Variants in CCSER2 observed in about 807,000 individuals in gnomAD.
The protein encoded by CCSER2 is serine-rich coiled-coil domain-containing protein 2.
A neutral mutation model predicts 92.3 loss-of-function variants in CCSER2; 46 were observed. The observed-to-expected ratio is 0.50, with a 90% CI of 0.39 to 0.64. CCSER2 has a LOEUF of 0.64. CCSER2 is among the 30% of genes least tolerant of loss of function. The probability of loss-of-function intolerance (pLI) is 0.00; values close to 1 mark genes in which losing one functional copy is unlikely to be tolerated. For missense variants in CCSER2, 1,244 were observed against 1,238.9 expected (o/e 1.00, Z -0.06); for synonymous variants, 433 against 431.4 (o/e 1.00, Z -0.04).
chr10:84,508,224 A>AG (rs1319523776), intron 9 of CCSER2, among the ~76,000 whole-genome samples: 1 of 152,192 alleles, frequency 6.6e-6, no homozygotes, highest in Non-Finnish European at 1.5e-5. Context: ...TGTTTCACCT[A>AG]GGGGTCTCAT....
intron 1 of CCSER2, among the ~76,000 whole-genome samples, chr10:84,355,964 G>A (rs1029496718): frequency 4.6e-5 from 7 of 151,956 alleles, no homozygotes; most frequent in African/African-American, 1.7e-4. Context: ...TTAGCTGGAT[G>A]TAGTGGCGGG....
rs1335692919 is a variant in CCSER2 at position 84,515,816 on chromosome 10, C to G, written c.*1549C>G. 12 of 152,126 alleles carry G rather than the reference C, an allele frequency of 7.9e-5. 1 individual carries two copies. The highest frequency in any genetic ancestry group is 7.9e-4 in the Admixed American group (12 of 15,278). The allele number at this position is 152,126 out of a possible 1,614,324, so 9.4% of individuals were successfully genotyped here. On this transcript the variant is annotated 3_prime_UTR_variant, in exon 10 of 10. Transcript: ENST00000372088. ...TAGAAGATGTTTCAAAGACAATATT[C>G]TTATTTTAATACGCTGTAGAAGGTA...
intron 3 of CCSER2, among the ~76,000 whole-genome samples, chr10:84,407,927 G>A (rs756037728): frequency 6.6e-6 from 1 of 152,126 alleles, no homozygotes; most frequent in Non-Finnish European, 1.5e-5. Context: ...GGGGAGAACA[G>A]GGCAGTCACC....
At chr10:84,341,742 C>T (rs761268961) in intron 1 of CCSER2, among the ~76,000 whole-genome samples, 1 of 152,140 alleles carries the variant, frequency 6.6e-6, no homozygotes, top group Non-Finnish European at 1.5e-5. Flanking sequence ...TTGGGGTTCC[C>T]ATGACCCCCT....
chr10:84,472,934 A>G (rs1846904217), intron 8 of CCSER2: 1 of 152,202 alleles, frequency 6.6e-6, no homozygotes, highest in South Asian at 2.1e-4. Context: ...TCCCTAAACT[A>G]AAAGTCAGTC....
chr10:84,411,066 A>G (rs1473819398), intron 3 of CCSER2, among the ~76,000 whole-genome samples: 1 of 152,086 alleles, frequency 6.6e-6, no homozygotes, highest in African/African-American at 2.4e-5. Context: ...GGAAAATCAT[A>G]TGGTTATAGG....
intron 3 of CCSER2, among the ~76,000 whole-genome samples, chr10:84,390,393 A>G (rs1409108558): frequency 5.3e-5 from 8 of 152,228 alleles, no homozygotes. Flanking sequence ...GTTGTAGCCT[A>G]CTATACACCT....
At chr10:84,456,018 G>C (rs887731275) in intron 6 of CCSER2, 1 of 514,426 alleles carries the variant, frequency 1.9e-6, no homozygotes, top group Non-Finnish European at 3.8e-6. Flanking sequence ...CAACACCTTT[G>C]CTTCTTCTAG....
chr10:84,512,088 C>G (rs901826884), intron 9 of CCSER2, among the ~76,000 whole-genome samples: 1 of 151,978 alleles, frequency 6.6e-6, no homozygotes, highest in African/African-American at 2.4e-5. Context: ...GAGCCTTGCC[C>G]TCAGTCACTC....
intron 1 of CCSER2, among the ~76,000 whole-genome samples, chr10:84,332,412 T>TATATATATATATATA (rs1554828779): frequency 4.9e-5 from 4 of 82,270 alleles, no homozygotes; most frequent in African/African-American, 2.4e-4. Flanking sequence ...ATTTATTTTT[T>TATATATATATATATA]TATATATATA....
intron 6 of CCSER2, chr10:84,455,148 T>G (rs1268712000): frequency 6.5e-6 from 1 of 154,286 alleles, no homozygotes; most frequent in Non-Finnish European, 1.4e-5. Flanking sequence ...AACCTCTTTT[T>G]CTTTATAAAT....
At chr10:84,504,578 T>G (rs1365772126) in intron 9 of CCSER2, among the ~76,000 whole-genome samples, 1 of 152,226 alleles carries the variant, frequency 6.6e-6, no homozygotes, top group Admixed American at 6.5e-5. Flanking sequence ...CTCTTGAAAT[T>G]CATACAGTTG....
chr10:84,393,566 C>G lies in CCSER2; in HGVS notation c.1614+19751C>G, dbSNP rs567216704. 8.5e-5 allele frequency among the ~76,000 whole-genome samples: 13 copies of G among 152,258 alleles called. No homozygotes were observed. The East Asian group carries it at 2.5e-3, about 29-fold the overall frequency. ...TATTTTGGTGCATGTTGGTGGCCCT[C>G]TGTGCCGTAGATGTATGCACATAGG... On this transcript the variant is annotated intron_variant, in intron 3 of 9. Coordinates refer to ENST00000372088, the MANE Select transcript of CCSER2 (RefSeq NM_001284240.2).
Position 84,371,135 on chromosome 10 carries a change from A to T in CCSER2, c.83A>T (p.Gln28Leu). The change falls in exon 2 of 10, where the codon CAG becomes CTG. Residue 28 changes from glutamine to leucine, a missense_variant. By Grantham distance (113) the Gln-to-Leu change is moderately radical (BLOSUM62 -2). Coordinates refer to ENST00000372088, the MANE Select transcript of CCSER2 (RefSeq NM_001284240.2). ...YGTKSVRSTL[Q>L]PMPNGTPVNL... ...ACAAAATCTGTAAGAAGTACATTGCAGCCAATGCCAAATGGGACACCTGTT... is the reference window on the plus strand; with the variant it reads ...ACAAAATCTGTAAGAAGTACATTGCTGCCAATGCCAAATGGGACACCTGTT... 4 of 1,613,322 alleles carry T rather than the reference A, an allele frequency of 2.5e-6. No individual in the cohort carries two copies. Among genetic ancestry groups the T allele is most frequent in the Non-Finnish European group, 3.4e-6 (4 of 1,179,724 alleles).
chr10:84,479,133 C>G (rs527310498), intron 9 of CCSER2, among the ~76,000 whole-genome samples: 18 of 152,278 alleles, frequency 1.2e-4, no homozygotes, highest in African/African-American at 4.3e-4. Flanking sequence ...CCTCACTGTT[C>G]TGGAAACTGG....
chr10:84,498,437 T>G (rs1848560626), intron 9 of CCSER2, among the ~76,000 whole-genome samples: 1 of 152,018 alleles, frequency 6.6e-6, no homozygotes, highest in African/African-American at 2.4e-5. Flanking sequence ...ATTTAGTTTT[T>G]GTGGCTTTTT....
At chr10:84,488,478 T>C (rs542084316) in intron 9 of CCSER2, among the ~76,000 whole-genome samples, 1 of 152,316 alleles carries the variant, frequency 6.6e-6, no homozygotes, top group East Asian at 1.9e-4. Flanking sequence ...GGAGGGTATA[T>C]GTGTCGAGGA....
chr10:84,369,311 ATC>A (rs1440915965), intron 1 of CCSER2, among the ~76,000 whole-genome samples: 18 of 152,164 alleles, frequency 1.2e-4, no homozygotes, highest in Non-Finnish European at 8.8e-5. Context: ...TTTTCATCAC[ATC>A]TATGCCAATA....
At chr10:84,463,346 A>G (rs1323824397) in intron 6 of CCSER2, among the ~76,000 whole-genome samples, 1 of 152,150 alleles carries the variant, frequency 6.6e-6, no homozygotes, top group African/African-American at 2.4e-5. Flanking sequence ...AGGTTCCCTA[A>G]TGTTCCTTCT....
Sources: gnomAD v4.1 joint callset for allele counts (sites outside exome capture counted in the v4.1 genomes callset) on GRCh38, gnomAD v4.1.1 for gene constraint, MANE v1.5 for transcripts, NCBI Gene and HGNC (gene_info 2026-07-23, HGNC 2026-07-21) for gene names.